GRAMD2B: variants seen among roughly 807,000 people sequenced by gnomAD.
The protein encoded by GRAMD2B is GRAM domain-containing protein 2B.
A neutral mutation model predicts 59.2 loss-of-function variants in GRAMD2B; 41 were observed. The ratio of observed to expected loss-of-function variants is 0.69; its 90% CI spans 0.54 to 0.90. The LOEUF is 0.90. Ranked by LOEUF, GRAMD2B falls within the 40% of genes least tolerant of loss-of-function variation. The pLI, the probability that GRAMD2B is intolerant of heterozygous loss-of-function variation, is 0.00. For synonymous variants in GRAMD2B, 161 were observed against 182.7 expected, an observed-to-expected ratio of 0.88 and a Z score of 0.96; for missense variants, 424 against 500.5, an observed-to-expected ratio of 0.85 and a Z score of 1.46.
intron 1 of GRAMD2B, among the ~76,000 whole-genome samples, chr5:126,391,000 C>G (rs1160608757): frequency 6.6e-6 from 1 of 152,068 alleles, no homozygotes; most frequent in Non-Finnish European, 1.5e-5. Context: ...TAATTTCCAT[C>G]CATCATATAG....
chr5:126,457,186 C>T (rs1365113750), intron 1 of GRAMD2B, among the ~76,000 whole-genome samples: 8 of 67,976 alleles, frequency 1.2e-4, no homozygotes, highest in East Asian at 4.6e-4. Context: ...TGCGAGACTC[C>T]GTCTCAAAAA....
intron 1 of GRAMD2B, among the ~76,000 whole-genome samples, chr5:126,448,299 C>T (rs959336235): frequency 1.3e-5 from 2 of 151,914 alleles, no homozygotes; most frequent in African/African-American, 4.8e-5. Context: ...TAGGAGGTGA[C>T]CCCATCAAGA....
At chr5:126,462,649 C>G (rs2126762705) in intron 1 of GRAMD2B, among the ~76,000 whole-genome samples, 1 of 152,190 alleles carries the variant, frequency 6.6e-6, no homozygotes. Flanking sequence ...GGAAAAAAAC[C>G]AGACATTCCC....
chr5:126,385,985 G>A (rs1756092328), intron 1 of GRAMD2B, among the ~76,000 whole-genome samples: 1 of 152,188 alleles, frequency 6.6e-6, no homozygotes. Context: ...AGCAGAGAGG[G>A]AGAGAGGGTT....
At chr5:126,445,877 C>T (rs893116873) in intron 1 of GRAMD2B, among the ~76,000 whole-genome samples, 10 of 152,304 alleles carry the variant, frequency 6.6e-5, no homozygotes, top group African/African-American at 2.4e-4. Flanking sequence ...ATTTCTTCCT[C>T]TCTCCAGTAT....
At chr5:126,472,206 A>AT in intron 3 of GRAMD2B, 32 bp from the exon 4 acceptor site, 1 of 1,545,038 alleles carries the variant, frequency 6.5e-7, no homozygotes, top group East Asian at 2.3e-5. Context: ...GAAAGTGAGA[A>AT]TGGTGATGCT....
chr5:126,464,141 A>G (rs4476720), intron 1 of GRAMD2B, among the ~76,000 whole-genome samples: 53,250 of 152,100 alleles, frequency 0.35, 9,474 homozygotes, highest in East Asian at 0.59. Context: ...CTAGGCTGCA[A>G]TTTTCATATG....
chr5:126,404,928 T>C (rs1002021470), intron 1 of GRAMD2B, among the ~76,000 whole-genome samples: 4 of 151,796 alleles, frequency 2.6e-5, no homozygotes, highest in Middle Eastern at 3.2e-3. Flanking sequence ...CTAAAGACTC[T>C]CCATATTTTA....
intron 1 of GRAMD2B, among the ~76,000 whole-genome samples, chr5:126,395,779 C>T (rs549180663): frequency 1.6e-4 from 24 of 152,048 alleles, no homozygotes; most frequent in African/African-American, 2.9e-4. Flanking sequence ...TGTGTGTGCG[C>T]GCATGCACAT....
chr5:126,398,174 C>G (rs1332014041), intron 1 of GRAMD2B, among the ~76,000 whole-genome samples: 1 of 151,890 alleles, frequency 6.6e-6, no homozygotes, highest in African/African-American at 2.4e-5. Flanking sequence ...CAGTCATGCA[C>G]CACCATGCCA....
At chr5:126,469,407 C>T (rs566071407) in intron 2 of GRAMD2B, among the ~76,000 whole-genome samples, 1 of 152,158 alleles carries the variant, frequency 6.6e-6, no homozygotes, top group African/African-American at 2.4e-5. Context: ...TTTGGAAAGC[C>T]GAGGCAGGTA....
intron 1 of GRAMD2B, among the ~76,000 whole-genome samples, chr5:126,401,086 G>A (rs949632476): frequency 2.0e-5 from 3 of 151,964 alleles, no homozygotes; most frequent in East Asian, 3.9e-4. Context: ...TTGGTTGATG[G>A]TGTTTTATAA....
intron 1 of GRAMD2B, among the ~76,000 whole-genome samples, chr5:126,416,670 A>T (rs888989360): frequency 7.2e-5 from 11 of 152,136 alleles, no homozygotes; most frequent in Admixed American, 6.5e-4. Context: ...CACATTGGAG[A>T]ACACTGGCCT....
chr5:126,406,620 T>C (rs191064055), intron 1 of GRAMD2B, among the ~76,000 whole-genome samples: 86 of 152,122 alleles, frequency 5.7e-4, no homozygotes, highest in South Asian at 1.2e-3. Flanking sequence ...TTTGATTTTG[T>C]TATGTTTTCT....
chr5:126,428,673 G>A (rs2149794197), intron 1 of GRAMD2B, among the ~76,000 whole-genome samples: 1 of 152,220 alleles, frequency 6.6e-6, no homozygotes, highest in Non-Finnish European at 1.5e-5. Context: ...TCTATAATGG[G>A]GAGTACTTAA....
chr5:126,427,784 T>C (rs916102916), intron 1 of GRAMD2B, among the ~76,000 whole-genome samples: 2 of 152,206 alleles, frequency 1.3e-5, no homozygotes, highest in Non-Finnish European at 2.9e-5. Context: ...GATCCTGAAT[T>C]AGAAGCAAGA....
At chr5:126,377,543 C>T (rs1262274725) in intron 1 of GRAMD2B, among the ~76,000 whole-genome samples, 2 of 152,176 alleles carry the variant, frequency 1.3e-5, no homozygotes, top group Admixed American at 1.3e-4. Flanking sequence ...ACTTTTCCTC[C>T]AGTCAGATAT....
chr5:126,447,898 C>T (rs2080362242), intron 1 of GRAMD2B, among the ~76,000 whole-genome samples: 1 of 151,618 alleles, frequency 6.6e-6, no homozygotes, highest in Non-Finnish European at 1.5e-5. Flanking sequence ...CACTCTGTTG[C>T]CCAGTTTGGA....
intron 1 of GRAMD2B, among the ~76,000 whole-genome samples, chr5:126,415,349 T>C (rs997312705): frequency 1.3e-5 from 2 of 152,336 alleles, no homozygotes; most frequent in Non-Finnish European, 2.9e-5. Context: ...TGTGCATGTA[T>C]GTTCTGTAAA....
Sources: gnomAD v4.1 joint callset for allele counts (sites outside exome capture counted in the v4.1 genomes callset) on GRCh38, gnomAD v4.1.1 for gene constraint, MANE v1.5 for transcripts, NCBI Gene and HGNC (gene_info 2026-07-23, HGNC 2026-07-21) for gene names.